DTD1: variants seen among roughly 807,000 people sequenced by gnomAD.
DTD1 encodes the protein D-tyrosyl-tRNA deacylase 1 homolog.
DTD1 carries 13 observed loss-of-function variants against 25.6 expected under a neutral mutation model. The observed-to-expected ratio is 0.51, with a 90% confidence interval of 0.33 to 0.81. The LOEUF is 0.81. Ranked by LOEUF, DTD1 falls within the 30% of genes least tolerant of loss-of-function variation. DTD1 has a pLI of 0.02. For synonymous variants in DTD1, 110 were observed against 103.6 expected, an observed-to-expected ratio of 1.06 and a Z score of -0.37; for missense variants, 193 against 266.4, an observed-to-expected ratio of 0.72 and a Z score of 1.92.
chr20:18,633,500 G>A (rs2060796335), intron 4 of DTD1, among the ~76,000 whole-genome samples: 1 of 152,122 alleles, frequency 6.6e-6, no homozygotes, highest in Non-Finnish European at 1.5e-5. Context: ...CCTGAGTGTT[G>A]TTCACTGCCC....
intron 4 of DTD1, chr20:18,631,152 C>G (rs1176018772): frequency 1.0e-6 from 1 of 985,398 alleles, no homozygotes; most frequent in Non-Finnish European, 1.2e-6. Flanking sequence ...TTCTCTATCC[C>G]CCTTCTGCCA....
intron 4 of DTD1, among the ~76,000 whole-genome samples, chr20:18,708,603 G>A (rs187599309): frequency 8.7e-4 from 131 of 151,366 alleles, no homozygotes; most frequent in East Asian, 4.9e-3. Flanking sequence ...TGATCTGCCC[G>A]CCTCGGCCTC....
chr20:18,708,224 T>TATATAAA (rs2061136743), intron 4 of DTD1, among the ~76,000 whole-genome samples: 1 of 4,202 alleles, frequency 2.4e-4, no homozygotes, highest in Non-Finnish European at 7.2e-4. Flanking sequence ...ATATAATATA[T>TATATAAA]ATATATTTTA....
intron 4 of DTD1, among the ~76,000 whole-genome samples, chr20:18,704,101 C>T (rs1158936603): frequency 2.6e-5 from 4 of 151,492 alleles, no homozygotes; most frequent in Non-Finnish European, 5.9e-5. Context: ...CTGGGGTTCA[C>T]GCCATTCTCC....
At chr20:18,600,998 A>G (rs77594822) in intron 3 of DTD1, among the ~76,000 whole-genome samples, 1,708 of 152,252 alleles carry the variant, frequency 0.011, 26 homozygotes, top group African/African-American at 0.032. Flanking sequence ...TTGGATGATC[A>G]TGTCATCTGC....
At chr20:18,740,568 T>G (rs528628393) in intron 4 of DTD1, among the ~76,000 whole-genome samples, 1 of 152,282 alleles carries the variant, frequency 6.6e-6, no homozygotes, top group African/African-American at 2.4e-5. Flanking sequence ...GAACACCAAT[T>G]TCAAGATATT....
chr20:18,762,318 C>G (rs1884791), intron 5 of DTD1, among the ~76,000 whole-genome samples: 4 of 151,990 alleles, frequency 2.6e-5, no homozygotes, highest in African/African-American at 9.7e-5. Context: ...TAGGCTTTAG[C>G]TTTAGTTTAA....
chr20:18,610,262 T>C (rs1225260387), intron 3 of DTD1, among the ~76,000 whole-genome samples: 1 of 152,238 alleles, frequency 6.6e-6, no homozygotes, highest in East Asian at 1.9e-4. Flanking sequence ...ACACCTTTTA[T>C]TTATTTCTTT....
At chr20:18,651,800 C>T (rs1315472426) in intron 4 of DTD1, among the ~76,000 whole-genome samples, 1 of 152,146 alleles carries the variant, frequency 6.6e-6, no homozygotes, top group Non-Finnish European at 1.5e-5. Flanking sequence ...CTTTGGGATG[C>T]CAAAAGTCCA....
intron 5 of DTD1, among the ~76,000 whole-genome samples, chr20:18,745,865 C>A (rs1030864015): frequency 6.6e-6 from 1 of 152,110 alleles, no homozygotes; most frequent in African/African-American, 2.4e-5. Context: ...GTGACATCAT[C>A]AGATACAAAG....
At chr20:18,733,414 G>A (rs536265451) in intron 4 of DTD1, among the ~76,000 whole-genome samples, 1 of 152,290 alleles carries the variant, frequency 6.6e-6, no homozygotes, top group Non-Finnish European at 1.5e-5. Flanking sequence ...TGGGCTGGGG[G>A]ACACAGTGGG....
chr20:18,626,269 C>T (rs1045839848), intron 3 of DTD1, among the ~76,000 whole-genome samples: 1 of 152,128 alleles, frequency 6.6e-6, no homozygotes. Flanking sequence ...GCCTTCTTGG[C>T]TGGTGGCTAA....
chr20:18,596,381 T>A, intron 3 of DTD1, 140 bp downstream of exon 3: 1 of 666,904 alleles, frequency 1.5e-6, no homozygotes, highest in Non-Finnish European at 2.5e-6. Flanking sequence ...ACATACTAGC[T>A]GCTGCTATTG....
At chr20:18,705,632 A>C (rs1375391604) in intron 4 of DTD1, among the ~76,000 whole-genome samples, 1 of 151,792 alleles carries the variant, frequency 6.6e-6, no homozygotes, top group Non-Finnish European at 1.5e-5. Flanking sequence ...TGGTGAGCTC[A>C]GAGGCAGAGG....
intron 4 of DTD1, among the ~76,000 whole-genome samples, chr20:18,699,826 C>A (rs983085548): frequency 7.2e-5 from 11 of 152,114 alleles, no homozygotes; most frequent in African/African-American, 2.7e-4. Flanking sequence ...GAAATAATTC[C>A]AGACTTAATG....
intron 4 of DTD1, among the ~76,000 whole-genome samples, chr20:18,687,237 C>G (rs2061020622): frequency 6.6e-6 from 1 of 152,060 alleles, no homozygotes; most frequent in Non-Finnish European, 1.5e-5. Context: ...CAGGTTGGGT[C>G]CCAGAGAGGG....
intron 4 of DTD1, among the ~76,000 whole-genome samples, chr20:18,655,093 A>G (rs1414483342): frequency 1.3e-5 from 2 of 152,378 alleles, no homozygotes; most frequent in Non-Finnish European, 2.9e-5. Flanking sequence ...ATGTTATGAT[A>G]TAACACTTAA....
intron 4 of DTD1, chr20:18,631,482 T>C: frequency 1.0e-6 from 1 of 985,508 alleles, no homozygotes; most frequent in Non-Finnish European, 1.2e-6. Context: ...ATCCATCTTA[T>C]CCCATTGGGT....
intron 2 of DTD1, among the ~76,000 whole-genome samples, chr20:18,594,600 C>T (rs1463230447): frequency 2.0e-5 from 3 of 152,158 alleles, no homozygotes; most frequent in Non-Finnish European, 4.4e-5. Flanking sequence ...TTATTCTGCC[C>T]CTTGGTGCTC....
Sources: allele counts gnomAD v4.1 joint callset (sites outside exome capture counted in the v4.1 genomes callset), GRCh38; gene constraint gnomAD v4.1.1; transcripts MANE v1.5; gene names NCBI Gene and HGNC (gene_info 2026-07-23, HGNC 2026-07-21).